The following IRF3 variants were observed in gnomAD, a reference collection of about 807,000 sequenced individuals.
IRF3 encodes the protein interferon regulatory factor 3.
Under a neutral mutation model 43.2 loss-of-function variants are expected in IRF3, and 29 were observed. The ratio of observed to expected loss-of-function variants is 0.67; its 90% CI spans 0.50 to 0.91. IRF3 has a LOEUF of 0.91. Ranked by LOEUF, IRF3 falls within the 40% of genes least tolerant of loss-of-function variation. The pLI is 0.00. For missense variants in IRF3, 505 were observed against 559.1 expected, an observed-to-expected ratio of 0.90 and a Z score of 0.98; for synonymous variants, 228 against 233.9, an observed-to-expected ratio of 0.97 and a Z score of 0.23.
Position 49,665,716 on chromosome 19 carries a change from A to G in IRF3, c.-94T>C. On this transcript the variant is annotated 5_prime_UTR_variant, in exon 1 of 8. Transcript: ENST00000377139. ...GTAGCTCTCAAACTCGAGGCTGCGC[A>G]CCCCCTTTCCCGTCAGCTGAGCTCT... 7.0e-7 allele frequency: 1 copy of G among 1,423,294 alleles called. No individual in the cohort carries two copies. Among genetic ancestry groups the G allele is most frequent in the Non-Finnish European group, 9.4e-7 (1 of 1,062,804 alleles). The allele number at this position is 1,423,294 out of a possible 1,614,324, so 88.2% of individuals were successfully genotyped here.
At chr19:49,663,550 A>T (rs765411880) in intron 2 of IRF3, 36 bp from the exon 3 acceptor site, 1 of 1,607,794 alleles carries the variant, frequency 6.2e-7, no homozygotes, top group Admixed American at 1.7e-5. Flanking sequence ...GTGGGGGAGG[A>T]CGACTTAGAT....
rs139855390 is a variant in IRF3 at position 49,662,271 on chromosome 19, A to G, written c.659T>C (p.Ile220Thr). Residue 220 changes from isoleucine to threonine, a missense_variant, in exon 6 of 8, where the codon ATC (isoleucine) becomes ACC (threonine). Transcript: ENST00000377139. ...YRGRQVFQQT[I>T]SCPEGLRLVG... is the part of the protein sequence containing the mutation. ...CAGCCGCAGGCCCTCCGGGCAGGAG[A>G]TGGTCTGCTGGAAGACTTGGCGGCC... 30 of 1,613,762 alleles carry G rather than the reference A, an allele frequency of 1.9e-5. No homozygotes were observed. In the African/African-American group the frequency reaches 2.7e-4, roughly 14 times the overall value.
In IRF3 at chr19:49,662,323, C is replaced by G. The variant is rs767604581; in HGVS notation, c.607G>C (p.Glu203Gln). Residue 203 changes from glutamate (E) to glutamine (Q), a missense_variant, in exon 6 of 8, where the codon GAG (glutamate) becomes CAG (glutamine). Coordinates refer to ENST00000377139, the MANE Select transcript of IRF3 (RefSeq NM_001571.6). ...CGGTAGAAGGCTGTCACCTCGAACT[C>G]CCACTCTGAGCAGCGGCAGCAGCGG... The part of the protein sequence containing the change: ...KRLLVPGEEW[E>Q]FEVTAFYRGR... 1.2e-6 allele frequency: 2 copies of G among 1,613,564 alleles called. No individual in the cohort carries two copies. The highest frequency in any genetic ancestry group is 1.7e-6 in the Non-Finnish European group (2 of 1,179,844).
In IRF3 at chr19:49,665,677, T is replaced by A. The variant is rs1294013801; in HGVS notation, c.-55A>T. The stretch of plus-strand genomic sequence containing the variant: ...TGCGGGCAGCTGGAACCCACCCCTG[T>A]CTTGGAGCTCCGGGTAGCTCTCAAA... On this transcript the variant is annotated 5_prime_UTR_variant, in exon 1 of 8. Coordinates refer to ENST00000377139, the MANE Select transcript of IRF3 (RefSeq NM_001571.6). 4 of 1,122,936 alleles carry A rather than the reference T, an allele frequency of 3.6e-6. No individual in the cohort carries two copies. Among genetic ancestry groups the A allele is most frequent in the Non-Finnish European group, 5.0e-6 (4 of 801,356 alleles). 69.6% of individuals were successfully genotyped at this position (1,122,936 alleles called of 1,614,324 possible). A position where few individuals can be genotyped will look rare whatever the true frequency, so the allele number is the denominator to read the frequency against.
At position 49,665,789 on chromosome 19, in the gene IRF3, C is replaced by T. The variant is rs1248444332; in HGVS notation, c.-167G>A. On this transcript the variant is annotated 5_prime_UTR_variant, in exon 1 of 8. Transcript: ENST00000377139. ...GATCGACTTCTTGAAATAAAACCAA[C>T]TTTATCATTCTTTGGGTAACAGACC... 3.2e-6 allele frequency: 5 copies of T among 1,563,372 alleles called. No individual in the cohort carries two copies. Among genetic ancestry groups the T allele is most frequent in the Non-Finnish European group, 4.3e-6 (5 of 1,149,582 alleles).
rs2081689414 is a variant in IRF3, at chr19:49,665,659, A to G, written c.-37T>C. 2.3e-6 allele frequency: 2 copies of G among 885,148 alleles called. No individual in the cohort carries two copies. The highest frequency in any genetic ancestry group is 3.4e-6 in the Non-Finnish European group (2 of 592,840). The allele number at this position is 885,148 out of a possible 1,614,324, so 54.8% of individuals were successfully genotyped here. On this transcript the variant is annotated 5_prime_UTR_variant, in exon 1 of 8. Coordinates refer to ENST00000377139, the MANE Select transcript of IRF3 (RefSeq NM_001571.6). ...CGATGGAAGGTCGGGGCGTGCGGGC[A>G]GCTGGAACCCACCCCTGTCTTGGAG...
chr19:49,660,173 C>T (rs114450521), intron 7 of IRF3, among the ~76,000 whole-genome samples: 4,617 of 151,996 alleles, frequency 0.03, 198 homozygotes, highest in Admixed American at 0.1. Context: ...CTCACAATGG[C>T]AGCTAAAACT....
At chr19:49,664,576 T>G in intron 2 of IRF3, 98 bp downstream of exon 2, 2 of 1,339,440 alleles carry the variant, frequency 1.5e-6, no homozygotes, top group Non-Finnish European at 2.0e-6. Flanking sequence ...AGCCCGCCCC[T>G]CGCGCGCCAC....
chr19:49,661,393 G>C (rs2081320987), intron 6 of IRF3: 1 of 156,268 alleles, frequency 6.4e-6, no homozygotes, highest in Non-Finnish European at 1.4e-5. Context: ...TTACGATGAT[G>C]ATGACAGTGG....
At chr19:49,665,023 C>G in intron 1 of IRF3, 177 bp from the exon 2 acceptor site, 1 of 660,704 alleles carries the variant, frequency 1.5e-6, no homozygotes, top group South Asian at 2.0e-5. Flanking sequence ...GAGAGGCTCT[C>G]TAATCAGCTA....
At position 49,664,737 on chromosome 19, in the gene IRF3, G is replaced by A. The variant is rs746052263; in HGVS notation, c.102C>T (p.Phe34=). The change falls in exon 2 of 8, where the codon TTC becomes TTT. Residue 34 remains phenylalanine (F), a synonymous_variant. Transcript: ENST00000377139. ...GTAGGCCGTGCTTCCAAGGGATGCG[G>A]AAGCGCGTGCGGCTCTTGTTCACCC... ...VAWVNKSRTR[F]RIPWKHGLRQ... 1 of 1,614,070 alleles carries A rather than the reference G, an allele frequency of 6.2e-7. No homozygotes were observed. The highest frequency in any genetic ancestry group is 1.1e-5 in the South Asian group (1 of 91,084).
chr19:49,663,469 G>T lies in IRF3; in HGVS notation c.211C>A (p.Pro71Thr). 6.2e-7 allele frequency: 1 copy of T among 1,614,184 alleles called. No homozygotes were observed. The highest frequency in any genetic ancestry group is 8.5e-7 in the Non-Finnish European group (1 of 1,180,038). ...TGAYVPGRDK[P>T]DLPTWKRNFR... Reference sequence around the variant, plus strand: ...TTCCTCTTCCAGGTTGGCAGGTCTGGCTTATCCCTCCCGGGAACATATGCA... The same window carrying T: ...TTCCTCTTCCAGGTTGGCAGGTCTGTCTTATCCCTCCCGGGAACATATGCA... The change falls in exon 3 of 8, where the codon CCA becomes ACA. Residue 71 changes from proline (P) to threonine (T), a missense_variant. Coordinates refer to ENST00000377139, the MANE Select transcript of IRF3 (RefSeq NM_001571.6).
At chr19:49,664,505 G>A (rs762070237) in intron 2 of IRF3, 169 bp downstream of exon 2, 8 of 1,568,626 alleles carry the variant, frequency 5.1e-6, no homozygotes, top group Non-Finnish European at 6.9e-6. Flanking sequence ...CCCACCATCA[G>A]TCAGCGGATC....
At chr19:49,661,924 G>T in intron 6 of IRF3, 24 bp downstream of exon 6, 1 of 1,585,790 alleles carries the variant, frequency 6.3e-7, no homozygotes, top group Non-Finnish European at 8.6e-7. Context: ...GTACTGGCCA[G>T]GTCGAAGCCC....
At chr19:49,660,275 G>A (rs540839703) in intron 7 of IRF3, among the ~76,000 whole-genome samples, 1 of 152,136 alleles carries the variant, frequency 6.6e-6, no homozygotes, top group Non-Finnish European at 1.5e-5. Flanking sequence ...GATGTGAGCA[G>A]CGGGTGGGGG....
intron 2 of IRF3, among the ~76,000 whole-genome samples, chr19:49,664,209 G>A (rs1370196371): frequency 6.6e-6 from 1 of 152,086 alleles, no homozygotes; most frequent in East Asian, 1.9e-4. Context: ...GTCCAACTTG[G>A]TGTCTAATCC....
chr19:49,660,028 C>CACACACACACACACACACACACACACA lies in IRF3; in HGVS notation c.1099-196_1099-195insTGTGTGTGTGTGTGTGTGTGTGTGTGT, dbSNP rs1555753000. 7.3e-3 allele frequency among the ~76,000 whole-genome samples: 796 copies of CACACACACACACACACACACACACACA among 109,732 alleles called. 41 individuals carry two copies. The highest frequency in any genetic ancestry group is 0.038 in the Middle Eastern group (9 of 234). 72.0% of individuals were successfully genotyped at this position (109,732 alleles called of 152,430 possible). A position where few individuals can be genotyped will look rare whatever the true frequency, so the allele number is the denominator to read the frequency against. ...ACACACACACACACACACACACACA[C>CACACACACACACACACACACACACACA]CCCCTGCTGTAACTGAACCATAGGC... On this transcript the variant is annotated intron_variant, in intron 7 of 7. Coordinates refer to ENST00000377139, the MANE Select transcript of IRF3 (RefSeq NM_001571.6).
At chr19:49,665,606 G>T in intron 1 of IRF3, 25 bp downstream of exon 1, 1 of 572,548 alleles carries the variant, frequency 1.7e-6, no homozygotes. Context: ...CGCCACCAAC[G>T]CTCTCCCGGG....
At chr19:49,664,955 A>C in intron 1 of IRF3, 109 bp from the exon 2 acceptor site, 1 of 1,199,340 alleles carries the variant, frequency 8.3e-7, no homozygotes, top group Non-Finnish European at 1.1e-6. Flanking sequence ...CAGGTCCTTC[A>C]CCCATATTTT....
Sources: gnomAD v4.1 joint callset for allele counts (sites outside exome capture counted in the v4.1 genomes callset) on GRCh38, gnomAD v4.1.1 for gene constraint, MANE v1.5 for transcripts, NCBI Gene and HGNC (gene_info 2026-07-23, HGNC 2026-07-21) for gene names.